The following SNTG1 variants were observed in gnomAD, a reference collection of about 807,000 sequenced individuals.
SNTG1 encodes the protein syntrophin gamma 1, also known as gamma-1-syntrophin.
SNTG1 carries 39 observed loss-of-function variants against 74.7 expected under a neutral mutation model. The observed-to-expected ratio is 0.52, with a 90% CI of 0.40 to 0.68. The LOEUF (loss-of-function observed/expected upper bound fraction) is 0.68, where lower values mean the gene tolerates loss of function less well. SNTG1 is among the 30% of genes least tolerant of loss of function. The probability of loss-of-function intolerance (pLI) is 0.00; values close to 1 mark genes in which losing one functional copy is unlikely to be tolerated. For missense variants in SNTG1, 685 were observed against 609.5 expected, an observed-to-expected ratio of 1.12 and a Z score of -1.30; for synonymous variants, 254 against 217.1, an observed-to-expected ratio of 1.17 and a Z score of -1.49.
At chr8:50,402,508 A>C (rs911033365) in intron 4 of SNTG1, among the ~76,000 whole-genome samples, 164 bp downstream of exon 4, 1 of 152,166 alleles carries the variant, frequency 6.6e-6, no homozygotes, top group African/African-American at 2.4e-5. Context: ...CCTGTACGAG[A>C]ACCTTGCCTG....
intron 15 of SNTG1, among the ~76,000 whole-genome samples, chr8:50,681,533 G>A (rs1356459610): frequency 2.6e-5 from 4 of 152,050 alleles, no homozygotes; most frequent in Admixed American, 2.6e-4. Flanking sequence ...TACATAACCT[G>A]TTTACTATTT....
chr8:50,735,568 A>T (rs2095526310), intron 17 of SNTG1, among the ~76,000 whole-genome samples: 1 of 152,048 alleles, frequency 6.6e-6, no homozygotes, highest in African/African-American at 2.4e-5. Flanking sequence ...AGACAAGATT[A>T]GAGAAAAAAG....
At chr8:50,410,261 G>A (rs1330069637) in intron 4 of SNTG1, among the ~76,000 whole-genome samples, 4 of 152,118 alleles carry the variant, frequency 2.6e-5, no homozygotes, top group Non-Finnish European at 5.9e-5. Context: ...CATGGTGTGT[G>A]CAGGCCTAGA....
At chr8:50,562,040 G>T (rs145675306) in intron 12 of SNTG1, among the ~76,000 whole-genome samples, 200 of 152,244 alleles carry the variant, frequency 1.3e-3, no homozygotes, top group African/African-American at 4.4e-3. Context: ...ACATTTTAAA[G>T]ACTCCTAAAA....
At chr8:50,591,370 T>C (rs889401849) in intron 13 of SNTG1, among the ~76,000 whole-genome samples, 1 of 152,180 alleles carries the variant, frequency 6.6e-6, no homozygotes, top group Non-Finnish European at 1.5e-5. Context: ...TTACTCTTGA[T>C]ATCAACTTTG....
chr8:50,511,144 T>C (rs60164545), intron 9 of SNTG1, among the ~76,000 whole-genome samples: 8,263 of 152,282 alleles, frequency 0.054, 339 homozygotes, highest in South Asian at 0.18. Flanking sequence ...TTAAAGAACA[T>C]CTTTATTTCT....
intron 4 of SNTG1, among the ~76,000 whole-genome samples, chr8:50,434,033 TC>T (rs2093273572): frequency 1.5e-5 from 2 of 130,822 alleles, no homozygotes; most frequent in Non-Finnish European, 3.3e-5. Context: ...ATGCTATCCC[TC>T]CCCCCTCCCC....
intron 14 of SNTG1, among the ~76,000 whole-genome samples, chr8:50,658,012 T>G (rs2131274472): frequency 6.6e-6 from 1 of 152,202 alleles, no homozygotes; most frequent in Non-Finnish European, 1.5e-5. Context: ...TACACAAAGT[T>G]TAAAGCACTA....
At chr8:49,957,772 T>A (rs900399492) in intron 1 of SNTG1, among the ~76,000 whole-genome samples, 1 of 152,084 alleles carries the variant, frequency 6.6e-6, no homozygotes, top group Non-Finnish European at 1.5e-5. Flanking sequence ...TGAAGCAGAC[T>A]GCACAACATG....
chr8:50,707,671 T>C (rs1585603979), intron 16 of SNTG1, among the ~76,000 whole-genome samples: 1 of 151,452 alleles, frequency 6.6e-6, no homozygotes, highest in East Asian at 1.9e-4. Flanking sequence ...AAAAATTTGC[T>C]TCAGATAAAC....
intron 13 of SNTG1, among the ~76,000 whole-genome samples, chr8:50,629,281 A>G (rs1371410843): frequency 6.6e-6 from 1 of 151,798 alleles, no homozygotes; most frequent in Non-Finnish European, 1.5e-5. Context: ...TAGATTTTTT[A>G]TTGCAATATT....
At chr8:50,383,470 G>A (rs1234983529) in intron 2 of SNTG1, among the ~76,000 whole-genome samples, 1 of 152,180 alleles carries the variant, frequency 6.6e-6, no homozygotes, top group Non-Finnish European at 1.5e-5. Context: ...ATGTTTGTAA[G>A]TGTACATGCA....
At chr8:50,301,330 C>G (rs2089634608) in intron 2 of SNTG1, among the ~76,000 whole-genome samples, 1 of 151,936 alleles carries the variant, frequency 6.6e-6, no homozygotes, top group Non-Finnish European at 1.5e-5. Context: ...ATTCTCTATT[C>G]TAGCAGCTCA....
At chr8:50,743,979 A>T (rs1481930683) in intron 17 of SNTG1, among the ~76,000 whole-genome samples, 3 of 147,642 alleles carry the variant, frequency 2.0e-5, no homozygotes, top group Non-Finnish European at 4.4e-5. Flanking sequence ...AGAGAGAGAG[A>T]GGAGGTGACA....
intron 1 of SNTG1, among the ~76,000 whole-genome samples, chr8:50,160,854 G>A (rs1369285379): frequency 6.6e-6 from 1 of 152,124 alleles, no homozygotes; most frequent in Non-Finnish European, 1.5e-5. Context: ...AGACTGTAGA[G>A]AATATTTTTT....
At chr8:50,143,901 C>T (rs1016581833) in intron 1 of SNTG1, among the ~76,000 whole-genome samples, 4 of 152,136 alleles carry the variant, frequency 2.6e-5, no homozygotes, top group African/African-American at 9.7e-5. Flanking sequence ...ATACCTTAAT[C>T]AGTATTAAAA....
chr8:50,734,301 A>G (rs990567773), intron 17 of SNTG1, among the ~76,000 whole-genome samples: 2 of 151,818 alleles, frequency 1.3e-5, no homozygotes, highest in Non-Finnish European at 3.0e-5. Context: ...TAGTATTTAT[A>G]TAGAGACTGA....
At chr8:50,415,758 C>A (rs1468476337) in intron 4 of SNTG1, among the ~76,000 whole-genome samples, 4 of 152,008 alleles carry the variant, frequency 2.6e-5, no homozygotes, top group African/African-American at 9.7e-5. Flanking sequence ...GGTAAGATAG[C>A]CACCTTTTTA....
chr8:50,733,210 G>T (rs1438395974), intron 17 of SNTG1, among the ~76,000 whole-genome samples: 1 of 151,992 alleles, frequency 6.6e-6, no homozygotes, highest in African/African-American at 2.4e-5. Context: ...CATTTAATTT[G>T]CTTAGGATTA....
Sources: gnomAD v4.1 joint callset for allele counts (sites outside exome capture counted in the v4.1 genomes callset) on GRCh38, gnomAD v4.1.1 for gene constraint, MANE v1.5 for transcripts, NCBI Gene and HGNC (gene_info 2026-07-23, HGNC 2026-07-21) for gene names.